Variants in TCF12 observed in about 807,000 individuals in gnomAD.
TCF12 encodes the protein DNA-binding protein HTF4.
Under a neutral mutation model 86.0 loss-of-function variants are expected in TCF12, and 45 were observed. That is an observed-to-expected ratio of 0.52 (90% CI 0.41 to 0.67). TCF12 has a LOEUF of 0.67. Among genes scored for constraint, TCF12 ranks in the 30% least tolerant of loss-of-function variants. The probability of loss-of-function intolerance (pLI) is 0.00; values close to 1 mark genes in which losing one functional copy is unlikely to be tolerated. For missense variants in TCF12, 881 were observed against 859.9 expected (o/e 1.02, Z -0.31); for synonymous variants, 330 against 299.6 (o/e 1.10, Z -1.05).
intron 3 of TCF12, among the ~76,000 whole-genome samples, chr15:57,029,671 C>T (rs1334849415): frequency 6.6e-6 from 1 of 152,050 alleles, no homozygotes; most frequent in Non-Finnish European, 1.5e-5. Context: ...GTAACGCATA[C>T]CACGGTCAAG....
intron 6 of TCF12, among the ~76,000 whole-genome samples, chr15:57,172,640 G>A (rs2055595224): frequency 6.6e-6 from 1 of 152,152 alleles, no homozygotes; most frequent in Non-Finnish European, 1.5e-5. Context: ...GGTAGAGGGT[G>A]GGAGGAGGGA....
intron 8 of TCF12, among the ~76,000 whole-genome samples, chr15:57,210,763 G>A (rs1317351521): frequency 6.6e-6 from 1 of 152,176 alleles, no homozygotes; most frequent in African/African-American, 2.4e-5. Context: ...TAAAGTTACT[G>A]TAGTGTTGCC....
chr15:57,196,104 C>T (rs2057250901), intron 7 of TCF12, among the ~76,000 whole-genome samples: 1 of 151,836 alleles, frequency 6.6e-6, no homozygotes, highest in Admixed American at 6.6e-5. Flanking sequence ...GCCAGAGAAT[C>T]ACTTGAGGCC....
intron 3 of TCF12, among the ~76,000 whole-genome samples, chr15:57,001,601 A>G (rs917676456): frequency 2.0e-4 from 30 of 152,292 alleles, no homozygotes; most frequent in African/African-American, 7.0e-4. Context: ...GATGTTTCAG[A>G]AAGCAGAGCA....
chr15:57,052,458 G>A (rs1680235723), intron 3 of TCF12, among the ~76,000 whole-genome samples: 1 of 151,954 alleles, frequency 6.6e-6, no homozygotes, highest in African/African-American at 2.4e-5. Context: ...CTAACATGGT[G>A]AAACCCCTTC....
chr15:57,126,487 A>G (rs1346318966), intron 5 of TCF12, among the ~76,000 whole-genome samples: 2 of 152,200 alleles, frequency 1.3e-5, no homozygotes, highest in African/African-American at 4.8e-5. Flanking sequence ...GTCCTATTGG[A>G]GAATCATTTC....
intron 3 of TCF12, among the ~76,000 whole-genome samples, chr15:56,960,513 TC>T (rs760823344): frequency 2.0e-5 from 3 of 149,864 alleles, no homozygotes; most frequent in Admixed American, 6.8e-5. Context: ...CACTGGAACC[TC>T]TGCCTCCCCG....
At chr15:57,134,236 A>G (rs1171162427) in intron 5 of TCF12, 1 of 152,254 alleles carries the variant, frequency 6.6e-6, no homozygotes, top group Non-Finnish European at 1.5e-5. Context: ...CACATCATCA[A>G]CCACATTCAT....
intron 3 of TCF12, among the ~76,000 whole-genome samples, chr15:56,942,139 T>C (rs1461018889): frequency 2.0e-5 from 3 of 152,216 alleles, no homozygotes; most frequent in Non-Finnish European, 4.4e-5. Context: ...ACTCTGAAAG[T>C]GCCCATTTGC....
At chr15:57,180,407 C>A (rs574413842) in intron 6 of TCF12, among the ~76,000 whole-genome samples, 1 of 152,238 alleles carries the variant, frequency 6.6e-6, no homozygotes, top group African/African-American at 2.4e-5. Flanking sequence ...CCTTTTAGAA[C>A]AATTTTGTTT....
In TCF12 at chr15:57,251,383, C is replaced by T. The variant is rs747431240; in HGVS notation, c.1148C>T (p.Ala383Val). Residue 383 changes from alanine to valine, a missense_variant, in exon 14 of 21, where the codon GCA becomes GTA. Ala to Val is a moderately conservative substitution (Grantham distance 64). Coordinates refer to ENST00000333725, the MANE Select transcript of TCF12 (RefSeq NM_207037.2). ...TSQWPRPGGQ[A>V]PSSPSYENSL... is the part of the protein sequence containing the mutation. Reference sequence around the variant, plus strand: ...CAGTGGCCAAGACCTGGAGGGCAAGCACCTTCATCCCCAAGCTATGAAAAC... The same window carrying T: ...CAGTGGCCAAGACCTGGAGGGCAAGTACCTTCATCCCCAAGCTATGAAAAC... 2 of 1,613,946 alleles carry T rather than the reference C, an allele frequency of 1.2e-6. No homozygotes were observed. Among genetic ancestry groups the T allele is most frequent in the Non-Finnish European group, 8.5e-7 (1 of 1,179,900 alleles).
intron 5 of TCF12, among the ~76,000 whole-genome samples, chr15:57,104,590 C>T (rs2050006172): frequency 6.6e-6 from 1 of 151,208 alleles, no homozygotes; most frequent in African/African-American, 2.4e-5. Flanking sequence ...TACAGGCGCG[C>T]ACACCCAGCT....
chr15:56,934,999 A>G (rs755233287), intron 3 of TCF12, among the ~76,000 whole-genome samples: 5 of 152,192 alleles, frequency 3.3e-5, no homozygotes, highest in South Asian at 2.1e-4. Flanking sequence ...TTGAAGATCT[A>G]TCTTAAATTG....
At chr15:56,990,562 A>T (rs1485315012) in intron 3 of TCF12, among the ~76,000 whole-genome samples, 1 of 151,992 alleles carries the variant, frequency 6.6e-6, no homozygotes, top group East Asian at 1.9e-4. Flanking sequence ...ATCAGCAATT[A>T]AAAAAATATT....
Position 57,263,145 on chromosome 15 carries a change from C to T in TCF12, c.1616C>T (p.Thr539Ile). ...GLQSQSGTVVTTEIKTENKEK... is the reference protein window; with the variant it reads ...GLQSQSGTVVITEIKTENKEK... ...CAAAGTCAGTCTGGAACTGTTGTTA[C>T]AACAGAAATCAAGACTGAAAACAAA... The change falls in exon 18 of 21, where the codon ACA (threonine) becomes ATA (isoleucine). Residue 539 changes from threonine (T) to isoleucine (I), a missense_variant. Coordinates refer to ENST00000333725, the MANE Select transcript of TCF12 (RefSeq NM_207037.2). 6.2e-7 allele frequency: 1 copy of T among 1,612,298 alleles called. No individual in the cohort carries two copies. Among genetic ancestry groups the T allele is most frequent in the Non-Finnish European group, 8.5e-7 (1 of 1,179,524 alleles).
At chr15:57,189,463 T>C (rs1490851285) in intron 6 of TCF12, among the ~76,000 whole-genome samples, 4 of 152,290 alleles carry the variant, frequency 2.6e-5, no homozygotes, top group Admixed American at 2.0e-4. Flanking sequence ...GATATTCTAG[T>C]GTACATCAAG....
intron 5 of TCF12, among the ~76,000 whole-genome samples, chr15:57,150,254 G>A (rs1270667782): frequency 2.0e-5 from 3 of 152,198 alleles, no homozygotes; most frequent in Non-Finnish European, 4.4e-5. Flanking sequence ...CTTTGGCCAA[G>A]TACTGACATG....
At chr15:57,264,023 A>G (rs1230875025) in intron 18 of TCF12, among the ~76,000 whole-genome samples, 1 of 152,022 alleles carries the variant, frequency 6.6e-6, no homozygotes, top group Non-Finnish European at 1.5e-5. Context: ...GCTATATTTC[A>G]TTTATTAAAA....
intron 3 of TCF12, among the ~76,000 whole-genome samples, chr15:56,940,851 A>G (rs1298672407): frequency 6.7e-6 from 1 of 148,360 alleles, no homozygotes; most frequent in African/African-American, 2.5e-5. Context: ...GAACTTCTGA[A>G]CTCAAGGGAT....
Sources: allele counts gnomAD v4.1 joint callset (sites outside exome capture counted in the v4.1 genomes callset), GRCh38; gene constraint gnomAD v4.1.1; transcripts MANE v1.5; gene names NCBI Gene and HGNC (gene_info 2026-07-23, HGNC 2026-07-21).